XDH: variants seen among roughly 807,000 people sequenced by gnomAD.
The protein encoded by XDH is xanthine dehydrogenase.
Under a neutral mutation model 156.1 loss-of-function variants are expected in XDH, and 138 were observed. The ratio of observed to expected loss-of-function variants is 0.88; its 90% CI spans 0.77 to 1.02. The LOEUF is 1.02. XDH is among the 50% of genes least tolerant of loss of function. XDH has a pLI of 0.00. For synonymous variants in XDH, 669 were observed against 625.7 expected (o/e 1.07, Z -1.03); for missense variants, 1,849 against 1,684.9 (o/e 1.10, Z -1.71).
intron 8 of XDH, among the ~76,000 whole-genome samples, chr2:31,386,994 AG>A (rs1686624314): frequency 1.2e-4 from 1 of 8,456 alleles, no homozygotes; most frequent in Admixed American, 2.0e-3. Context: ...GAAGAAAGGA[AG>A]GAAGGAAGGA....
chr2:31,405,777 G>T, intron 2 of XDH, 130 bp downstream of exon 2: 3 of 969,948 alleles, frequency 3.1e-6, no homozygotes, highest in Non-Finnish European at 5.0e-6. Context: ...AGTGTCCCAA[G>T]TCCTAATCCA....
Position 31,383,155 on chromosome 2 carries a change from G to A in XDH, c.887-3C>T, listed in dbSNP as rs1256615275. 1.9e-6 allele frequency: 3 copies of A among 1,614,140 alleles called. No homozygotes were observed. The highest frequency in any genetic ancestry group is 2.5e-6 in the Non-Finnish European group (3 of 1,180,016). ...GCAAGCAGCTCCAAAGGAGATACCT[G>A]GGAACGCACGTTCGGAATCACAGCA... On this transcript the variant is annotated splice_region_variant and splice_polypyrimidine_tract_variant and intron_variant, in intron 10 of 35. Transcript: ENST00000379416.
At chr2:31,342,357 T>G (rs918742959) in intron 31 of XDH, 60 bp from the exon 32 acceptor site, 9 of 1,417,838 alleles carry the variant, frequency 6.3e-6, no homozygotes, top group Non-Finnish European at 8.9e-6. Context: ...CCCTTCCCTA[T>G]GCACGTACAG....
intron 22 of XDH, 142 bp downstream of exon 22, chr2:31,365,834 G>T: frequency 1.4e-6 from 2 of 1,409,808 alleles, no homozygotes; most frequent in South Asian, 1.2e-5. Flanking sequence ...TATGCCCAAG[G>T]GTTCTAAAAA....
rs1438958177 is a variant in XDH at position 31,383,756 on chromosome 2, G to A, written c.885C>T (p.Asp295=). The change falls in exon 10 of 36, where the codon GAC becomes GAT. Residue 295 remains aspartate (D), a splice_region_variant and synonymous_variant. Coordinates refer to ENST00000379416, the MANE Select transcript of XDH (RefSeq NM_000379.4). ...AGCTTGGAGTGAACCTCCTCTTACC[G>A]TCGGGTCCATGTTCTACCGAATTCA... ...PELNSVEHGP[D]GISFGAACPL... is the part of the protein sequence containing the mutation. 23 of 1,613,490 alleles carry A rather than the reference G, an allele frequency of 1.4e-5. No individual in the cohort carries two copies. The highest frequency in any genetic ancestry group is 8.9e-5 in the East Asian group (4 of 44,886).
At chr2:31,346,691 T>C (rs189350599) in intron 30 of XDH, 78 bp downstream of exon 30, 1 of 1,540,472 alleles carries the variant, frequency 6.5e-7, no homozygotes, top group East Asian at 2.2e-5. Flanking sequence ...TCCTATTACT[T>C]GTTCGGATTC....
At chr2:31,386,598 A>G in intron 8 of XDH, 43 bp from the exon 9 acceptor site, 2 of 1,613,218 alleles carry the variant, frequency 1.2e-6, no homozygotes, top group Non-Finnish European at 1.7e-6. Context: ...CCCTCTTCCT[A>G]CTGTCATTCC....
At chr2:31,341,713 C>T (rs2148750043) in intron 32 of XDH, among the ~76,000 whole-genome samples, 1 of 152,294 alleles carries the variant, frequency 6.6e-6, no homozygotes, top group Non-Finnish European at 1.5e-5. Flanking sequence ...GAATCTGAGT[C>T]TGGGTAGATC....
chr2:31,376,912 T>C lies in XDH; in HGVS notation c.1427+141A>G, dbSNP rs571344183. 9.9e-5 allele frequency: 106 copies of C among 1,075,396 alleles called. No homozygotes were observed. The South Asian group carries it at 1.3e-3, about 14-fold the overall frequency. 66.6% of individuals were successfully genotyped at this position (1,075,396 alleles called of 1,614,324 possible). On this transcript the variant is annotated intron_variant, in intron 14 of 35. Transcript: ENST00000379416. ...ATAGTAGAAGTAGAAGTGGTAGCAG[T>C]AGTAGCAGCAGTAGCAGTAGTTATG... is the stretch of plus-strand genomic sequence containing the variant.
At chr2:31,387,996 C>A in intron 7 of XDH, 99 bp from the exon 8 acceptor site, 1 of 1,361,724 alleles carries the variant, frequency 7.3e-7, no homozygotes, top group Non-Finnish European at 1.0e-6. Flanking sequence ...TCATTCCCAG[C>A]CCCCTGCAGG....
intron 17 of XDH, among the ~76,000 whole-genome samples, chr2:31,371,868 A>G (rs1413962917): frequency 2.0e-5 from 3 of 152,158 alleles, no homozygotes; most frequent in Admixed American, 2.0e-4. Flanking sequence ...TCTGCTCAGC[A>G]GGGTATGTGT....
intron 23 of XDH, among the ~76,000 whole-genome samples, chr2:31,364,771 C>A (rs1282939689): frequency 2.0e-4 from 30 of 152,178 alleles, no homozygotes; most frequent in Non-Finnish European, 4.4e-4. Context: ...CCTCTTCAGG[C>A]CCACAAGAAT....
intron 26 of XDH, among the ~76,000 whole-genome samples, 181 bp from the exon 27 acceptor site, chr2:31,349,161 G>C (rs797006679): frequency 2.6e-5 from 4 of 152,304 alleles, no homozygotes; most frequent in African/African-American, 9.6e-5. Flanking sequence ...AGTGCAACCC[G>C]TACTGGGTCA....
chr2:31,367,021 G>A (rs1356919172), intron 20 of XDH, 27 bp from the exon 21 acceptor site: 1 of 1,613,944 alleles, frequency 6.2e-7, no homozygotes, highest in East Asian at 2.2e-5. Context: ...ATCCCTCACA[G>A]TGAGCCCAAT....
At chr2:31,390,804 T>C (rs1686740992) in intron 6 of XDH, among the ~76,000 whole-genome samples, 1 of 152,228 alleles carries the variant, frequency 6.6e-6, no homozygotes. Context: ...TATACCTTCT[T>C]TGGTGAGGTA....
intron 1 of XDH, among the ~76,000 whole-genome samples, chr2:31,406,285 G>A (rs964035438): frequency 6.6e-6 from 1 of 152,026 alleles, no homozygotes; most frequent in African/African-American, 2.4e-5. Flanking sequence ...GCTCTTACTG[G>A]CCATGTGATG....
chr2:31,355,799 A>C (rs934893368), intron 24 of XDH, among the ~76,000 whole-genome samples: 1 of 152,204 alleles, frequency 6.6e-6, no homozygotes, highest in African/African-American at 2.4e-5. Context: ...ATGATGTATA[A>C]ATTGTATAAA....
intron 24 of XDH, among the ~76,000 whole-genome samples, chr2:31,359,758 G>A (rs1330302089): frequency 6.6e-6 from 1 of 152,196 alleles, no homozygotes; most frequent in Non-Finnish European, 1.5e-5. Flanking sequence ...AGTTGGGAAT[G>A]TGGCTCAAAT....
intron 18 of XDH, 93 bp from the exon 19 acceptor site, chr2:31,368,753 G>A (rs768026607): frequency 6.0e-5 from 96 of 1,608,198 alleles, no homozygotes; most frequent in Middle Eastern, 1.6e-4. Context: ...AGAAGTCCCT[G>A]CCCTCACAAT....
Sources: allele counts gnomAD v4.1 joint callset (sites outside exome capture counted in the v4.1 genomes callset), GRCh38; gene constraint gnomAD v4.1.1; transcripts MANE v1.5; gene names NCBI Gene and HGNC (gene_info 2026-07-23, HGNC 2026-07-21).